The following CACNA2D4 variants were observed in gnomAD, a reference collection of about 807,000 sequenced individuals.
CACNA2D4 encodes the protein calcium voltage-gated channel auxiliary subunit alpha2delta 4, also known as voltage-dependent calcium channel subunit alpha-2/delta-4.
In CACNA2D4, 157 loss-of-function variants were observed where a neutral mutation model predicts 163.8. That is an observed-to-expected ratio of 0.96 (90% CI 0.84 to 1.09). The LOEUF (loss-of-function observed/expected upper bound fraction) is 1.09, where lower values mean the gene tolerates loss of function less well. Ranked by LOEUF, CACNA2D4 falls within the 50% of genes least tolerant of loss-of-function variation. The pLI, the probability that CACNA2D4 is intolerant of heterozygous loss-of-function variation, is 0.00. For missense variants in CACNA2D4, 1,410 were observed against 1,479.9 expected (o/e 0.95, Z 0.78); for synonymous variants, 598 against 586.9 (o/e 1.02, Z -0.27).
At chr12:1,801,461 G>T in intron 30 of CACNA2D4, 113 bp downstream of exon 30, 1 of 903,676 alleles carries the variant, frequency 1.1e-6, no homozygotes, top group Non-Finnish European at 1.8e-6. Flanking sequence ...GCTCTTTGGG[G>T]GCACCCACTG....
chr12:1,879,195 A>T (rs1200970559), intron 14 of CACNA2D4, among the ~76,000 whole-genome samples, 159 bp from the exon 15 acceptor site: 1 of 152,066 alleles, frequency 6.6e-6, no homozygotes, highest in Non-Finnish European at 1.5e-5. Flanking sequence ...AAAAATCTAG[A>T]CTCTATCAGA....
In CACNA2D4 at chr12:1,811,736, AAG is replaced by A. The variant is rs1863717755; in HGVS notation, c.2552-15_2552-14del. ...TGGACGCCCGCGGCTACAGGGCAGAAAGAGAGAGGGCAAGGCCAGGGAAGAGA... is the reference window on the plus strand; with the variant it reads ...TGGACGCCCGCGGCTACAGGGCAGAAAGAGAGGGCAAGGCCAGGGAAGAGA... On this transcript the variant is annotated splice_polypyrimidine_tract_variant and intron_variant, in intron 26 of 37. Coordinates refer to ENST00000382722, the MANE Select transcript of CACNA2D4 (RefSeq NM_172364.5). 3.2e-6 allele frequency: 5 copies of A among 1,558,272 alleles called. No individual in the cohort carries two copies. The highest frequency in any genetic ancestry group is 3.5e-6 in the Non-Finnish European group (4 of 1,150,554).
rs115505596 is a variant in CACNA2D4, at chr12:1,832,303, G to A, written c.2551+8436C>T. ...TGTGGCAGGGCCTGGTCTGTAAAGTGGGAAGGAAACAATATCTATTTCGTA... is the reference window on the plus strand; with the variant it reads ...TGTGGCAGGGCCTGGTCTGTAAAGTAGGAAGGAAACAATATCTATTTCGTA... On this transcript the variant is annotated intron_variant, in intron 26 of 37. Coordinates refer to ENST00000382722, the MANE Select transcript of CACNA2D4 (RefSeq NM_172364.5). Among the ~76,000 whole-genome samples the A allele has an allele frequency of 6.7e-3, 1,024 of 152,310 alleles. 12 individuals are homozygous for A. Among genetic ancestry groups the A allele is most frequent in the African/African-American group, 0.022 (925 of 41,570 alleles).
intron 22 of CACNA2D4, 85 bp from the exon 23 acceptor site, chr12:1,854,129 G>C: frequency 3.0e-6 from 3 of 998,190 alleles, no homozygotes; most frequent in Non-Finnish European, 4.4e-6. Flanking sequence ...TCAGGGAGAA[G>C]ATGTGCTTCC....
intron 37 of CACNA2D4, chr12:1,794,999 T>C (rs1400932330): frequency 1.3e-5 from 7 of 549,196 alleles, no homozygotes; most frequent in Non-Finnish European, 2.3e-5. Context: ...TAGAGGCACC[T>C]GTGAAGGAAC....
intron 1 of CACNA2D4, among the ~76,000 whole-genome samples, chr12:1,915,601 G>A (rs1325715200): frequency 6.6e-6 from 1 of 152,248 alleles, no homozygotes; most frequent in African/African-American, 2.4e-5. Context: ...GCAGGAAAAG[G>A]CTCTGAGCTG....
At chr12:1,840,674 T>C in intron 26 of CACNA2D4, 65 bp downstream of exon 26, 4 of 1,370,626 alleles carry the variant, frequency 2.9e-6, no homozygotes, top group Non-Finnish European at 4.2e-6. Context: ...TCTGCTGTGA[T>C]CTATGCCTTG....
chr12:1,916,375 C>T (rs952877866), intron 1 of CACNA2D4, among the ~76,000 whole-genome samples: 1 of 152,204 alleles, frequency 6.6e-6, no homozygotes, highest in Non-Finnish European at 1.5e-5. Flanking sequence ...GAATTTAAAA[C>T]CTCACATGAT....
At chr12:1,841,405 T>C (rs1865022770) in intron 25 of CACNA2D4, among the ~76,000 whole-genome samples, 1 of 152,220 alleles carries the variant, frequency 6.6e-6, no homozygotes, top group Admixed American at 6.5e-5. Flanking sequence ...TCAGGGCAAG[T>C]CCTGAGGCTC....
chr12:1,835,613 C>T (rs535030029), intron 26 of CACNA2D4: 3 of 152,806 alleles, frequency 2.0e-5, no homozygotes, highest in African/African-American at 7.2e-5. Context: ...TTGAGATCCT[C>T]TAAAGTGGGC....
chr12:1,802,326 A>G lies in CACNA2D4; in HGVS notation c.2722-682T>C, dbSNP rs1028366888. On this transcript the variant is annotated intron_variant, in intron 29 of 37. Coordinates refer to ENST00000382722, the MANE Select transcript of CACNA2D4 (RefSeq NM_172364.5). The surrounding 1 kb of genome is among the most constrained non-coding windows in gnomAD (Gnocchi z 4.7). ...TTGTCCCTGTGGCACTGCCAGAGTC[A>G]TCTTACTCAAATGCAACATGGATGG... 6.6e-6 allele frequency among the ~76,000 whole-genome samples: 1 copy of G among 152,094 alleles called. No individual in the cohort carries two copies. Among genetic ancestry groups the G allele is most frequent in the Non-Finnish European group, 1.5e-5 (1 of 68,008 alleles).
chr12:1,813,381 T>C (rs1165386493), intron 26 of CACNA2D4, among the ~76,000 whole-genome samples: 1 of 152,170 alleles, frequency 6.6e-6, no homozygotes, highest in Non-Finnish European at 1.5e-5. Context: ...ACCCCCGTCC[T>C]AAAGCCTCAC....
chr12:1,854,037 C>G lies in CACNA2D4; in HGVS notation c.2160G>C (p.Glu720Asp). 2 of 1,609,572 alleles carry G rather than the reference C, an allele frequency of 1.2e-6. No homozygotes were observed. The highest frequency in any genetic ancestry group is 1.7e-6 in the Non-Finnish European group (2 of 1,177,456). ...CAAACAGCACCTCCCGGACCAGCTC[C>G]TCGTCACCTGGGTGCAAAACATCAG... ...TRKDPDLECD[E>D]ELVREVLFDA... Residue 720 changes from glutamate to aspartate, a missense_variant, in exon 23 of 38, where the codon GAG becomes GAC. Physicochemically the swap from Glu to Asp is conservative, Grantham distance 45. Transcript: ENST00000382722.
At chr12:1,823,506 C>T (rs1328938912) in intron 26 of CACNA2D4, among the ~76,000 whole-genome samples, 1 of 152,122 alleles carries the variant, frequency 6.6e-6, no homozygotes, top group Non-Finnish European at 1.5e-5. Flanking sequence ...CTACAGCCCA[C>T]TCAGCTCCGC....
At chr12:1,912,093 G>C (rs780308370) in intron 3 of CACNA2D4, among the ~76,000 whole-genome samples, 2 of 152,208 alleles carry the variant, frequency 1.3e-5, no homozygotes, top group Non-Finnish European at 2.9e-5. Context: ...TGATGGGGGT[G>C]GGGGTACACT....
At position 1,828,207 on chromosome 12, in the gene CACNA2D4, A is replaced by G; in HGVS notation, c.2551+12532T>C. On this transcript the variant is annotated intron_variant, in intron 26 of 37. Coordinates refer to ENST00000382722, the MANE Select transcript of CACNA2D4 (RefSeq NM_172364.5). This position sits in a 1 kb window ranked among gnomAD's most constrained non-coding sequence, Gnocchi z 4.2. ...GGCAGGCTCGCCCTGCAGTGGAGGC[A>G]AGTCTCCTGTGAGTACACCCCTGGC... is the stretch of plus-strand genomic sequence containing the variant. 6.5e-7 allele frequency: 1 copy of G among 1,546,184 alleles called. No individual in the cohort carries two copies. Among genetic ancestry groups the G allele is most frequent in the Non-Finnish European group, 8.7e-7 (1 of 1,144,982 alleles).
In CACNA2D4 at chr12:1,886,916, G is replaced by A. The variant is rs1426012044; in HGVS notation, c.842+93C>T. ...CACCCAAGGCCCTTGAGTGGCGGTG[G>A]GGGAAGGGGCGGAAGTGGAGGAGGA... On this transcript the variant is annotated intron_variant, in intron 7 of 37. Coordinates refer to ENST00000382722, the MANE Select transcript of CACNA2D4 (RefSeq NM_172364.5). 4 of 826,694 alleles carry A rather than the reference G, an allele frequency of 4.8e-6. No homozygotes were observed. The East Asian group carries it at 8.1e-5, about 17-fold the overall frequency. The allele number at this position is 826,694 out of a possible 1,614,324, so 51.2% of individuals were successfully genotyped here.
At chr12:1,817,016 C>T (rs930325972) in intron 26 of CACNA2D4, among the ~76,000 whole-genome samples, 2 of 152,228 alleles carry the variant, frequency 1.3e-5, no homozygotes, top group Non-Finnish European at 2.9e-5. Flanking sequence ...CAGCTTTGCC[C>T]TCCTAGCCCT....
intron 32 of CACNA2D4, 77 bp from the exon 33 acceptor site, chr12:1,800,129 G>C: frequency 1.4e-6 from 2 of 1,410,378 alleles, no homozygotes; most frequent in South Asian, 1.2e-5. Flanking sequence ...GAGTATCCCT[G>C]ACAGCCCCCG....
Sources: allele counts gnomAD v4.1 joint callset (sites outside exome capture counted in the v4.1 genomes callset), GRCh38; gene constraint gnomAD v4.1.1; non-coding constraint Gnocchi (gnomAD v3.1); transcripts MANE v1.5; gene names NCBI Gene and HGNC (gene_info 2026-07-23, HGNC 2026-07-21).